PAK1: variants seen among roughly 807,000 people sequenced by gnomAD.
PAK1 encodes the protein p21 (RAC1) activated kinase 1.
In PAK1, 29 loss-of-function variants were observed where a neutral mutation model predicts 67.4. That is an observed-to-expected ratio of 0.43 (90% CI 0.32 to 0.59). The LOEUF (loss-of-function observed/expected upper bound fraction) is 0.59. Among genes scored for constraint, PAK1 ranks in the 20% least tolerant of loss-of-function variants. The pLI is 0.07. For synonymous variants in PAK1, 223 were observed against 237.4 expected (o/e 0.94, Z 0.56); for missense variants, 337 against 670.7 (o/e 0.50, Z 5.50).
chr11:77,479,049 C>T (rs1197922928), upstream of PAK1, among the ~76,000 whole-genome samples: 1 of 149,496 alleles, frequency 6.7e-6, no homozygotes, highest in East Asian at 2.0e-4. Flanking sequence ...CGCGCCACTG[C>T]ACTCCAGCCT....
chr11:77,440,404 A>G (rs576004096), intron 1 of PAK1, among the ~76,000 whole-genome samples: 2 of 152,266 alleles, frequency 1.3e-5, no homozygotes, highest in South Asian at 4.1e-4. Context: ...AAATAATAAT[A>G]AATACTTAGC....
chr11:77,480,209 C>T, the PAK1 span, among the ~76,000 whole-genome samples: 1 of 152,242 alleles, frequency 6.6e-6, no homozygotes, highest in African/African-American at 2.4e-5. Context: ...TTTTCTTCCC[C>T]CACATAGCTG....
intron 1 of PAK1, among the ~76,000 whole-genome samples, chr11:77,450,561 G>A (rs1020206405): frequency 6.6e-6 from 1 of 152,200 alleles, no homozygotes; most frequent in African/African-American, 2.4e-5. Context: ...CTGGGGTGAA[G>A]AATTAGGAGC....
chr11:77,392,307 T>C lies in PAK1; in HGVS notation c.190+24A>G, dbSNP rs1184098792. The C allele has an allele frequency of 3.4e-6, 5 of 1,474,934 alleles. No individual in the cohort carries two copies. In the African/African-American group the frequency reaches 7.1e-5, roughly 21 times the overall value. 91.4% of individuals were successfully genotyped at this position (1,474,934 alleles called of 1,614,324 possible). Reference sequence around the variant, plus strand: ...TAATTTTTTTAAAGCATATAAATGATGAGAAGAAAATCAAATACTATACTT... The same window carrying C: ...TAATTTTTTTAAAGCATATAAATGACGAGAAGAAAATCAAATACTATACTT... On this transcript the variant is annotated intron_variant, in intron 2 of 14. Coordinates refer to ENST00000356341, the MANE Select transcript of PAK1 (RefSeq NM_002576.5).
intron 5 of PAK1, among the ~76,000 whole-genome samples, chr11:77,364,790 C>T (rs1016296530): frequency 6.6e-6 from 1 of 152,006 alleles, no homozygotes. Flanking sequence ...CTAAAAGAAA[C>T]CATGTTTAAA....
the PAK1 span, among the ~76,000 whole-genome samples, chr11:77,500,460 C>T: frequency 6.6e-6 from 1 of 151,960 alleles, no homozygotes; most frequent in African/African-American, 2.4e-5. Context: ...GAGTGAGACT[C>T]CACCTCAAAA....
intron 1 of PAK1, among the ~76,000 whole-genome samples, chr11:77,429,093 AACAC>A (rs1491243884): frequency 3.8e-5 from 4 of 106,370 alleles, no homozygotes; most frequent in African/African-American, 2.1e-4. Flanking sequence ...AAAAAAAAAA[AACAC>A]ACACACACAC....
At chr11:77,423,255 T>G (rs924615932) in intron 1 of PAK1, among the ~76,000 whole-genome samples, 1 of 149,884 alleles carries the variant, frequency 6.7e-6, no homozygotes, top group Admixed American at 6.7e-5. Context: ...TAGATAGATA[T>G]GAAAGGAAGA....
chr11:77,391,545 G>C (rs1028999907), intron 2 of PAK1, among the ~76,000 whole-genome samples: 1 of 151,934 alleles, frequency 6.6e-6, no homozygotes, highest in Non-Finnish European at 1.5e-5. Context: ...ATAAGAACAG[G>C]GCCCACAAAT....
chr11:77,520,755 G>T, the PAK1 span, among the ~76,000 whole-genome samples: 1 of 152,170 alleles, frequency 6.6e-6, no homozygotes, highest in Non-Finnish European at 1.5e-5. Context: ...CATTTGAAAG[G>T]GGTACAGAAA....
chr11:77,407,405 G>C (rs1953755683), intron 1 of PAK1, among the ~76,000 whole-genome samples: 1 of 152,048 alleles, frequency 6.6e-6, no homozygotes, highest in South Asian at 2.1e-4. Context: ...TCTCCTATTA[G>C]TCTGTGAGTT....
the PAK1 span, among the ~76,000 whole-genome samples, chr11:77,502,503 C>A: frequency 1.3e-5 from 2 of 152,134 alleles, no homozygotes; most frequent in Non-Finnish European, 2.9e-5. Context: ...GTAGAATTCC[C>A]AGAGGAACTT....
At chr11:77,409,929 A>G (rs993004991) in intron 1 of PAK1, among the ~76,000 whole-genome samples, 3 of 152,230 alleles carry the variant, frequency 2.0e-5, no homozygotes, top group Non-Finnish European at 2.9e-5. Flanking sequence ...AAATCAGTTC[A>G]AAAAGCCAGT....
chr11:77,387,073 CTTTT>C (rs34065292), intron 2 of PAK1, among the ~76,000 whole-genome samples: 2 of 126,830 alleles, frequency 1.6e-5, no homozygotes, highest in African/African-American at 3.1e-5. Context: ...CACGCCCAGC[CTTTT>C]TTTTTTTTTT....
intron 1 of PAK1, among the ~76,000 whole-genome samples, chr11:77,415,409 C>G (rs2123632): frequency 3.9e-5 from 6 of 152,156 alleles, no homozygotes; most frequent in African/African-American, 1.4e-4. Flanking sequence ...CATTGTTATG[C>G]GAACATCACA....
At chr11:77,454,031 T>A (rs545171244) in intron 1 of PAK1, among the ~76,000 whole-genome samples, 6 of 152,180 alleles carry the variant, frequency 3.9e-5, no homozygotes, top group Non-Finnish European at 7.3e-5. Flanking sequence ...GCCACTGTAC[T>A]CCAGCCTAGG....
intron 14 of PAK1, among the ~76,000 whole-genome samples, chr11:77,330,608 T>C (rs540891542): frequency 6.6e-6 from 1 of 152,322 alleles, no homozygotes; most frequent in East Asian, 1.9e-4. Flanking sequence ...CTGGATCCCT[T>C]CCTTACACCT....
At chr11:77,397,796 G>GCAA (rs1311993789) in intron 1 of PAK1, among the ~76,000 whole-genome samples, 17 of 152,154 alleles carry the variant, frequency 1.1e-4, no homozygotes, top group Non-Finnish European at 2.1e-4. Flanking sequence ...AGGCTTCTTT[G>GCAA]GAAGTCATCC....
At chr11:77,448,961 T>C (rs1956735249) in intron 1 of PAK1, among the ~76,000 whole-genome samples, 1 of 152,154 alleles carries the variant, frequency 6.6e-6, no homozygotes, top group Admixed American at 6.5e-5. Context: ...TTTAAGAAGG[T>C]GGATAGAAAT....
Sources: gnomAD v4.1 joint callset for allele counts (sites outside exome capture counted in the v4.1 genomes callset) on GRCh38, gnomAD v4.1.1 for gene constraint, MANE v1.5 for transcripts, NCBI Gene and HGNC (gene_info 2026-07-23, HGNC 2026-07-21) for gene names.